RBMS3: variants seen among roughly 807,000 people sequenced by gnomAD.
The protein encoded by RBMS3 is RNA binding motif single stranded interacting protein 3.
A neutral mutation model predicts 66.8 loss-of-function variants in RBMS3; 27 were observed. That is an observed-to-expected ratio of 0.40 (90% confidence interval 0.30 to 0.56). RBMS3 has a LOEUF of 0.56. Among genes scored for constraint, RBMS3 ranks in the 20% least tolerant of loss-of-function variants. The pLI, the probability that RBMS3 is intolerant of heterozygous loss-of-function variation, is 0.40. For missense variants in RBMS3, 513 were observed against 549.5 expected (o/e 0.93, Z 0.66); for synonymous variants, 188 against 183.0 (o/e 1.03, Z -0.22).
chr3:29,350,733 A>G (rs4129222), intron 1 of RBMS3, among the ~76,000 whole-genome samples: 35,856 of 152,044 alleles, frequency 0.24, 4,556 homozygotes, highest in Non-Finnish European at 0.28. Context: ...ATAGTTTTAA[A>G]TTTACTAAAT....
At position 29,912,495 on chromosome 3, in the gene RBMS3, C is replaced by T. The variant is rs577849678; in HGVS notation, c.939+12740C>T. ...TTAAAAACAATTTAGGAAAATTTCT[C>T]TTATGTTCATAATGTAGTATTCTAA... On this transcript the variant is annotated intron_variant, in intron 10 of 14. Coordinates refer to ENST00000383767, the MANE Select transcript of RBMS3 (RefSeq NM_001003793.3). Among the ~76,000 whole-genome samples, 10 of 152,112 alleles carry T rather than the reference C, an allele frequency of 6.6e-5. No homozygotes were observed. In the South Asian group the frequency reaches 1.0e-3, roughly 16 times the overall value.
chr3:29,359,693 G>A (rs918649659), intron 1 of RBMS3, among the ~76,000 whole-genome samples: 14 of 152,030 alleles, frequency 9.2e-5, no homozygotes, highest in Admixed American at 7.2e-4. Context: ...TTTTTGCTTG[G>A]TAAGCTACTA....
At chr3:29,995,244 C>A (rs1699141321) in intron 14 of RBMS3, among the ~76,000 whole-genome samples, 1 of 152,018 alleles carries the variant, frequency 6.6e-6, no homozygotes, top group South Asian at 2.1e-4. Flanking sequence ...AGCAAAGCCT[C>A]CAAGAAATAT....
chr3:29,423,498 A>C (rs986361776), intron 1 of RBMS3, among the ~76,000 whole-genome samples: 1 of 152,232 alleles, frequency 6.6e-6, no homozygotes, highest in African/African-American at 2.4e-5. Context: ...TTCTACTAAA[A>C]GGAGATTAAT....
At chr3:29,770,148 T>G (rs2056133244) in intron 6 of RBMS3, among the ~76,000 whole-genome samples, 1 of 151,976 alleles carries the variant, frequency 6.6e-6, no homozygotes, top group African/African-American at 2.4e-5. Flanking sequence ...GAATAATGTC[T>G]CTAAACTTTT....
At chr3:29,359,992 A>C (rs1429208666) in intron 1 of RBMS3, among the ~76,000 whole-genome samples, 4 of 152,096 alleles carry the variant, frequency 2.6e-5, no homozygotes, top group Non-Finnish European at 5.9e-5. Context: ...CTTTTCAAAA[A>C]ACCAGCTCCT....
chr3:29,432,191 T>C (rs2041233124), intron 1 of RBMS3, among the ~76,000 whole-genome samples: 1 of 152,068 alleles, frequency 6.6e-6, no homozygotes, highest in African/African-American at 2.4e-5. Flanking sequence ...CAGGAGGCTG[T>C]TTGAGATTTT....
intron 11 of RBMS3, among the ~76,000 whole-genome samples, chr3:29,937,967 G>A (rs2061309016): frequency 6.6e-6 from 1 of 151,682 alleles, no homozygotes; most frequent in Non-Finnish European, 1.5e-5. Flanking sequence ...TTACCGTATT[G>A]AATAACAATC....
At chr3:29,776,157 G>C (rs2056419548) in intron 6 of RBMS3, among the ~76,000 whole-genome samples, 1 of 151,926 alleles carries the variant, frequency 6.6e-6, no homozygotes, top group African/African-American at 2.4e-5. Flanking sequence ...TTAAAGAAAA[G>C]AGCGCCATTC....
chr3:29,524,805 C>T (rs1319471193), intron 3 of RBMS3, among the ~76,000 whole-genome samples: 2 of 152,010 alleles, frequency 1.3e-5, no homozygotes, highest in African/African-American at 4.8e-5. Context: ...GTAATCCCAG[C>T]ACTTTGGGAG....
chr3:29,806,753 A>G (rs1462677324), intron 6 of RBMS3, among the ~76,000 whole-genome samples: 1 of 151,814 alleles, frequency 6.6e-6, no homozygotes, highest in Non-Finnish European at 1.5e-5. Flanking sequence ...ATTCTCTCTC[A>G]CTTTATTCAG....
intron 3 of RBMS3, among the ~76,000 whole-genome samples, chr3:29,557,889 A>G (rs191802224): frequency 6.6e-6 from 1 of 152,340 alleles, no homozygotes; most frequent in African/African-American, 2.4e-5. Context: ...GATTATTTAT[A>G]ACAGGAACCA....
At chr3:29,877,947 A>G (rs2059647904) in intron 7 of RBMS3, among the ~76,000 whole-genome samples, 1 of 152,104 alleles carries the variant, frequency 6.6e-6, no homozygotes, top group South Asian at 2.1e-4. Context: ...TTGGCCATCT[A>G]GTACCGTGGT....
chr3:29,678,775 G>T (rs2051364109), intron 4 of RBMS3, among the ~76,000 whole-genome samples: 1 of 152,088 alleles, frequency 6.6e-6, no homozygotes, highest in Non-Finnish European at 1.5e-5. Flanking sequence ...TCTTGAAGGG[G>T]GAAGAAGTTT....
intron 3 of RBMS3, among the ~76,000 whole-genome samples, chr3:29,512,571 C>T (rs2044456212): frequency 6.6e-6 from 1 of 152,068 alleles, no homozygotes; most frequent in South Asian, 2.1e-4. Flanking sequence ...GATATTTGAT[C>T]CATCCTACTT....
chr3:29,569,863 C>G (rs975815463), intron 3 of RBMS3, among the ~76,000 whole-genome samples: 1 of 151,972 alleles, frequency 6.6e-6, no homozygotes, highest in Admixed American at 6.6e-5. Context: ...AAACATTTAG[C>G]TAAGGCAAAC....
intron 10 of RBMS3, among the ~76,000 whole-genome samples, chr3:29,926,254 G>T (rs1344908908): frequency 6.6e-6 from 1 of 152,020 alleles, no homozygotes; most frequent in African/African-American, 2.4e-5. Context: ...TCTTTAATAG[G>T]GTCGTGACTT....
intron 3 of RBMS3, among the ~76,000 whole-genome samples, chr3:29,581,862 A>G (rs2047340328): frequency 6.6e-6 from 1 of 152,154 alleles, no homozygotes; most frequent in Admixed American, 6.5e-5. Context: ...TTCTAGTTTT[A>G]TCATTACTTT....
At chr3:29,852,769 C>T (rs11719517) in intron 6 of RBMS3, among the ~76,000 whole-genome samples, 34,718 of 152,078 alleles carry the variant, frequency 0.23, 5,144 homozygotes, top group Non-Finnish European at 0.34. Flanking sequence ...CAAAGACCTA[C>T]GAATAGAAAT....
Sources: gnomAD v4.1 joint callset for allele counts (sites outside exome capture counted in the v4.1 genomes callset) on GRCh38, gnomAD v4.1.1 for gene constraint, MANE v1.5 for transcripts, NCBI Gene and HGNC (gene_info 2026-07-23, HGNC 2026-07-21) for gene names.